RORA: variants seen among roughly 807,000 people sequenced by gnomAD.
RORA encodes nuclear receptor ROR-alpha.
In RORA, 7 loss-of-function variants were observed where a neutral mutation model predicts 69.5. The ratio of observed to expected loss-of-function variants is 0.10; its 90% CI spans 0.06 to 0.19. The LOEUF (loss-of-function observed/expected upper bound fraction) is 0.19, where lower values mean the gene tolerates loss of function less well. Among genes scored for constraint, RORA ranks in the 10% least tolerant of loss-of-function variants. The pLI is 1.00. For missense variants in RORA, 457 were observed against 663.0 expected (o/e 0.69, Z 3.41); for synonymous variants, 261 against 240.8 (o/e 1.08, Z -0.78).
At chr15:60,945,393 C>G (rs960006096) in intron 1 of RORA, among the ~76,000 whole-genome samples, 2 of 152,212 alleles carry the variant, frequency 1.3e-5, no homozygotes, top group Non-Finnish European at 2.9e-5. Context: ...CAGGTTGGCT[C>G]TCTTCCAGGA....
At chr15:61,172,675 CA>C (rs1567021958) in intron 1 of RORA, among the ~76,000 whole-genome samples, 2 of 152,174 alleles carry the variant, frequency 1.3e-5, no homozygotes, top group African/African-American at 2.4e-5. Context: ...ATAACCAGTA[CA>C]ATGGGAAAAT....
At chr15:60,554,390 A>C (rs941969831) in intron 2 of RORA, among the ~76,000 whole-genome samples, 6 of 152,214 alleles carry the variant, frequency 3.9e-5, no homozygotes, top group Non-Finnish European at 7.3e-5. Context: ...ATAAAATTGC[A>C]ATATTTTTGG....
chr15:60,862,673 A>T (rs1760244985), intron 1 of RORA, among the ~76,000 whole-genome samples: 1 of 152,222 alleles, frequency 6.6e-6, no homozygotes, highest in African/African-American at 2.4e-5. Flanking sequence ...ATGAATTTTC[A>T]TGTTATTTCA....
intron 1 of RORA, among the ~76,000 whole-genome samples, chr15:61,125,751 G>T (rs533464134): frequency 3.3e-5 from 5 of 152,208 alleles, no homozygotes; most frequent in Non-Finnish European, 7.4e-5. Context: ...AGGGTCAACA[G>T]GAATACACTT....
chr15:61,204,065 A>G (rs909423660), intron 1 of RORA, among the ~76,000 whole-genome samples: 20 of 152,188 alleles, frequency 1.3e-4, no homozygotes, highest in African/African-American at 4.8e-4. Context: ...GCTTTCAAGG[A>G]GCTCAACACT....
chr15:60,642,187 G>T (rs1042053174), intron 2 of RORA, among the ~76,000 whole-genome samples: 1 of 151,972 alleles, frequency 6.6e-6, no homozygotes, highest in Non-Finnish European at 1.5e-5. Flanking sequence ...AGAGGGACAC[G>T]GTAAAGTGGA....
intron 2 of RORA, among the ~76,000 whole-genome samples, chr15:60,633,047 C>T (rs748190368): frequency 6.6e-6 from 1 of 152,218 alleles, no homozygotes; most frequent in Non-Finnish European, 1.5e-5. Context: ...GAAGGACACT[C>T]TCTTCTTTAT....
intron 1 of RORA, among the ~76,000 whole-genome samples, chr15:61,218,669 A>C (rs1395853322): frequency 3.4e-5 from 2 of 59,516 alleles, no homozygotes; most frequent in African/African-American, 1.1e-4. Context: ...ATTTACTAAT[A>C]TAACTCACAC....
intron 1 of RORA, among the ~76,000 whole-genome samples, chr15:61,021,457 A>G (rs1386710639): frequency 6.6e-6 from 1 of 152,218 alleles, no homozygotes; most frequent in African/African-American, 2.4e-5. Flanking sequence ...CAAATGCTTT[A>G]TGAGTATTAG....
chr15:60,545,953 C>T (rs532573030), intron 2 of RORA, among the ~76,000 whole-genome samples: 3 of 152,246 alleles, frequency 2.0e-5, no homozygotes, highest in East Asian at 3.9e-4. Context: ...CTTAAAGAGG[C>T]TTTAAGGAAG....
intron 1 of RORA, among the ~76,000 whole-genome samples, chr15:61,224,868 C>G (rs1246618925): frequency 1.3e-5 from 2 of 152,304 alleles, no homozygotes; most frequent in East Asian, 1.9e-4. Flanking sequence ...ACCTTGAAAA[C>G]AAGCTGAAGG....
chr15:61,136,317 T>C (rs2079239722), intron 1 of RORA, among the ~76,000 whole-genome samples: 1 of 152,240 alleles, frequency 6.6e-6, no homozygotes, highest in African/African-American at 2.4e-5. Context: ...AGTTATGTGA[T>C]GCTGACAGGC....
chr15:60,647,802 C>G (rs576793009), intron 2 of RORA, among the ~76,000 whole-genome samples: 2 of 152,290 alleles, frequency 1.3e-5, no homozygotes, highest in Admixed American at 6.5e-5. Context: ...TGATATAGAG[C>G]CTTCTCTGTA....
At chr15:60,702,692 C>T (rs1290796850) in intron 1 of RORA, among the ~76,000 whole-genome samples, 1 of 152,190 alleles carries the variant, frequency 6.6e-6, no homozygotes, top group Non-Finnish European at 1.5e-5. Context: ...TTAACTGAAA[C>T]AATGCATGTG....
intron 1 of RORA, among the ~76,000 whole-genome samples, chr15:60,763,393 T>C (rs1323593895): frequency 6.6e-6 from 1 of 152,164 alleles, no homozygotes; most frequent in Non-Finnish European, 1.5e-5. Context: ...AATTATCTCA[T>C]GCAAGAAAAA....
intron 2 of RORA, among the ~76,000 whole-genome samples, chr15:60,658,384 C>T (rs1228568214): frequency 6.6e-6 from 1 of 152,138 alleles, no homozygotes; most frequent in Non-Finnish European, 1.5e-5. Context: ...TGGTGCTTTC[C>T]ATATAGTAGG....
At chr15:60,936,971 A>G (rs1034667297) in intron 1 of RORA, among the ~76,000 whole-genome samples, 3 of 152,216 alleles carry the variant, frequency 2.0e-5, no homozygotes, top group Non-Finnish European at 4.4e-5. Context: ...AGGAAAGGGT[A>G]TAGGTCTTAT....
chr15:60,890,585 C>T (rs898710004), intron 1 of RORA, among the ~76,000 whole-genome samples: 6 of 152,150 alleles, frequency 3.9e-5, no homozygotes, highest in African/African-American at 1.4e-4. Flanking sequence ...TTCACAGGGA[C>T]CAGAGAGAGC....
chr15:60,782,718 G>C (rs1343517317), intron 1 of RORA, among the ~76,000 whole-genome samples: 1 of 152,122 alleles, frequency 6.6e-6, no homozygotes, highest in Non-Finnish European at 1.5e-5. Context: ...TTAATGAGTA[G>C]TAAGAGATAA....
Sources: gnomAD v4.1 joint callset for allele counts (sites outside exome capture counted in the v4.1 genomes callset) on GRCh38, gnomAD v4.1.1 for gene constraint, MANE v1.5 for transcripts, NCBI Gene and HGNC (gene_info 2026-07-23, HGNC 2026-07-21) for gene names.